ALDH3A2: variants seen among roughly 807,000 people sequenced by gnomAD.
ALDH3A2 encodes the protein aldehyde dehydrogenase 3 family member A2, also known as aldehyde dehydrogenase family 3 member A2.
In ALDH3A2, 36 loss-of-function variants were observed where a neutral mutation model predicts 51.3. The ratio of observed to expected loss-of-function variants is 0.70; its 90% confidence interval spans 0.54 to 0.93. The LOEUF (loss-of-function observed/expected upper bound fraction) is 0.93. ALDH3A2 is among the 40% of genes least tolerant of loss of function. ALDH3A2 has a pLI of 0.00. For missense variants in ALDH3A2, 552 were observed against 603.1 expected (o/e 0.92, Z 0.89); for synonymous variants, 199 against 219.8 (o/e 0.91, Z 0.84).
chr17:19,658,749 A>T (rs1454041173), intron 5 of ALDH3A2, among the ~76,000 whole-genome samples: 5 of 25,322 alleles, frequency 2.0e-4, no homozygotes, highest in Admixed American at 6.7e-4. Flanking sequence ...CTCTGTCTTT[A>T]AAAAAAAAAA....
chr17:19,653,273 G>C (rs2084842956), intron 3 of ALDH3A2, among the ~76,000 whole-genome samples: 1 of 152,096 alleles, frequency 6.6e-6, no homozygotes, highest in Non-Finnish European at 1.5e-5. Flanking sequence ...TCGAGCTCCT[G>C]ACCTCAGGTG....
At chr17:19,651,910 T>G (rs1385742607) in intron 2 of ALDH3A2, 132 bp downstream of exon 2, 6 of 818,094 alleles carry the variant, frequency 7.3e-6, no homozygotes, top group Non-Finnish European at 1.2e-5. Context: ...ACCAGTGTAC[T>G]GAGAATTCAT....
At chr17:19,662,248 T>C (rs879600571) in intron 6 of ALDH3A2, among the ~76,000 whole-genome samples, 1 of 152,202 alleles carries the variant, frequency 6.6e-6, no homozygotes, top group Non-Finnish European at 1.5e-5. Context: ...GACTTCGAGC[T>C]GGGATCATCT....
At position 19,673,079 on chromosome 17, in the gene ALDH3A2, C is replaced by T. The variant is rs2085139726; in HGVS notation, c.1443+1123C>T. 5 of 1,601,354 alleles carry T rather than the reference C, an allele frequency of 3.1e-6. No homozygotes were observed. In the Admixed American group the frequency reaches 8.3e-5, roughly 27 times the overall value. Reference sequence around the variant, plus strand: ...ACAAAAATTTGAAAGGGGTTTGGCTCATCTTACAGTATCCCAGCCTTAGTG... The same window carrying T: ...ACAAAAATTTGAAAGGGGTTTGGCTTATCTTACAGTATCCCAGCCTTAGTG... On this transcript the variant is annotated intron_variant, in intron 9 of 9. Coordinates refer to ENST00000176643, the MANE Select transcript of ALDH3A2 (RefSeq NM_000382.3).
chr17:19,661,006 G>A (rs539599848), intron 5 of ALDH3A2, 121 bp from the exon 6 acceptor site: 1 of 948,842 alleles, frequency 1.1e-6, no homozygotes, highest in African/African-American at 1.6e-5. Context: ...TGAGGGGTGG[G>A]GTGTTAGATT....
In ALDH3A2 at chr17:19,648,861, A is replaced by G. The variant is rs1188950622; in HGVS notation, c.-111A>G. 1.5e-6 allele frequency: 2 copies of G among 1,376,624 alleles called. No individual in the cohort carries two copies. Among genetic ancestry groups the G allele is most frequent in the Non-Finnish European group, 9.9e-7 (1 of 1,008,334 alleles). The allele number at this position is 1,376,624 out of a possible 1,614,324, so 85.3% of individuals were successfully genotyped here. Reference sequence around the variant, plus strand: ...TTGTGGCTGTGGGTTGACGGTGGAGACACCCCCCGGAGGGAGGCGGAGGGA... The same window carrying G: ...TTGTGGCTGTGGGTTGACGGTGGAGGCACCCCCCGGAGGGAGGCGGAGGGA... On this transcript the variant is annotated 5_prime_UTR_variant, in exon 1 of 10. Transcript: ENST00000176643.
chr17:19,663,574 T>A, intron 7 of ALDH3A2, 75 bp downstream of exon 7: 4 of 1,513,468 alleles, frequency 2.6e-6, no homozygotes, highest in Admixed American at 1.8e-5. Flanking sequence ...TGTAAAACAA[T>A]GCAAAAAACA....
rs1040555386 is a variant in ALDH3A2 at position 19,652,770 on chromosome 17, AAG to A, written c.471+140_471+141del. ...AAGCCTTCAACAGTTGGCTTAGCAAAAGAAGTTCGGTTCCAAAATACACGGAG... is the reference window on the plus strand; with the variant it reads ...AAGCCTTCAACAGTTGGCTTAGCAAAAAGTTCGGTTCCAAAATACACGGAG... On this transcript the variant is annotated intron_variant, in intron 3 of 9. Transcript: ENST00000176643. 7 of 748,218 alleles carry A rather than the reference AAG, an allele frequency of 9.4e-6. No individual in the cohort carries two copies. In the Admixed American group the frequency reaches 1.4e-4, roughly 15 times the overall value. 46.3% of individuals were successfully genotyped at this position (748,218 alleles called of 1,614,324 possible).
chr17:19,666,934 A>G (rs1422953198), intron 8 of ALDH3A2, among the ~76,000 whole-genome samples: 1 of 151,878 alleles, frequency 6.6e-6, no homozygotes, highest in Non-Finnish European at 1.5e-5. Flanking sequence ...CATATAATAC[A>G]TTATTATAGT....
At chr17:19,656,233 A>C (rs2084894055) in intron 3 of ALDH3A2, 133 bp from the exon 4 acceptor site, 3 of 842,352 alleles carry the variant, frequency 3.6e-6, no homozygotes, top group Middle Eastern at 2.9e-4. Context: ...TCCCTCTCCC[A>C]TCCCTCACAG....
At chr17:19,652,693 TTTC>T (rs1455659905) in intron 3 of ALDH3A2, 61 bp downstream of exon 3, 6 of 1,362,626 alleles carry the variant, frequency 4.4e-6, no homozygotes, top group Non-Finnish European at 6.3e-6. Flanking sequence ...CACATTTTAT[TTTC>T]TTGCTATTGC....
At position 19,651,567 on chromosome 17, in the gene ALDH3A2, T is replaced by A. The variant is rs1253555203; in HGVS notation, c.174T>A (p.Ser58Arg). The part of the protein sequence containing the change: ...DLCKSEFNVY[S>R]QEVITVLGEI... Reference sequence around the variant, plus strand: ...AACAGAGTGAATTCAATGTGTACAGTCAGGAAGTCATTACTGTCCTTGGGG... The same window carrying A: ...AACAGAGTGAATTCAATGTGTACAGACAGGAAGTCATTACTGTCCTTGGGG... Residue 58 changes from serine to arginine, a missense_variant, in exon 2 of 10, where the codon AGT (serine) becomes AGA (arginine). By Grantham distance (110) the Ser-to-Arg change is moderately radical (BLOSUM62 -1). Coordinates refer to ENST00000176643, the MANE Select transcript of ALDH3A2 (RefSeq NM_000382.3). 2.5e-6 allele frequency: 4 copies of A among 1,613,742 alleles called. No individual in the cohort carries two copies. The Admixed American group carries it at 6.7e-5, about 27-fold the overall frequency.
At chr17:19,652,055 A>G (rs1394368410) in intron 2 of ALDH3A2, among the ~76,000 whole-genome samples, 3 of 152,198 alleles carry the variant, frequency 2.0e-5, no homozygotes, top group African/African-American at 7.2e-5. Context: ...TCAGGCATCC[A>G]TGTTCTAATA....
chr17:19,675,530 A>G, intron 9 of ALDH3A2, 28 bp from the exon 10 acceptor site: 1 of 1,613,542 alleles, frequency 6.2e-7, no homozygotes, highest in South Asian at 1.1e-5. Flanking sequence ...GCAGCTGAGT[A>G]AACTGAATCC....
intron 3 of ALDH3A2, among the ~76,000 whole-genome samples, chr17:19,653,755 A>G (rs751838011): frequency 7.2e-5 from 11 of 152,194 alleles, no homozygotes; most frequent in East Asian, 1.9e-4. Context: ...AAGCTTCCAC[A>G]GTGTCAAAGG....
intron 1 of ALDH3A2, among the ~76,000 whole-genome samples, chr17:19,650,240 AG>A (rs2084796791): frequency 6.6e-6 from 1 of 151,072 alleles, no homozygotes; most frequent in Admixed American, 6.6e-5. Context: ...GTAGTGTTTT[AG>A]GGTGTAAGTA....
At chr17:19,665,927 C>A (rs747404021) in intron 8 of ALDH3A2, among the ~76,000 whole-genome samples, 1 of 152,128 alleles carries the variant, frequency 6.6e-6, no homozygotes, top group Non-Finnish European at 1.5e-5. Flanking sequence ...TTGGCAGGAC[C>A]ATCTGTTCCT....
Position 19,677,533 on chromosome 17 carries a change from A to G in ALDH3A2, c.*1961A>G, listed in dbSNP as rs1180864725. 1.3e-5 allele frequency: 2 copies of G among 152,190 alleles called. No homozygotes were observed. Among genetic ancestry groups the G allele is most frequent in the Non-Finnish European group, 2.9e-5 (2 of 68,030 alleles). The allele number at this position is 152,190 out of a possible 1,614,324, so 9.4% of individuals were successfully genotyped here. A position where few individuals can be genotyped will look rare whatever the true frequency, so the allele number is the denominator to read the frequency against. ...TGGTATGGAACCTCAGATATACCCT[A>G]TTGGAGACAATCCTTTGATCATAAA... On this transcript the variant is annotated 3_prime_UTR_variant, in exon 10 of 10. Coordinates refer to ENST00000176643, the MANE Select transcript of ALDH3A2 (RefSeq NM_000382.3).
intron 9 of ALDH3A2, 179 bp from the exon 10 acceptor site, chr17:19,675,379 G>T: frequency 1.5e-6 from 1 of 678,382 alleles, no homozygotes; most frequent in Non-Finnish European, 2.6e-6. Flanking sequence ...ATAATCCTTT[G>T]GCCTAAACCG....
Sources: allele counts gnomAD v4.1 joint callset (sites outside exome capture counted in the v4.1 genomes callset), GRCh38; gene constraint gnomAD v4.1.1; transcripts MANE v1.5; gene names NCBI Gene and HGNC (gene_info 2026-07-23, HGNC 2026-07-21).